Variants in ALK observed in about 807,000 individuals in gnomAD.
ALK encodes ALK tyrosine kinase receptor.
Under a neutral mutation model 163.1 loss-of-function variants are expected in ALK, and 74 were observed. The observed-to-expected ratio is 0.45, with a 90% CI of 0.38 to 0.55. The LOEUF (loss-of-function observed/expected upper bound fraction) is 0.55, where lower values mean the gene tolerates loss of function less well. Ranked by LOEUF, ALK falls within the 20% of genes least tolerant of loss-of-function variation. The pLI is 0.00. For synonymous variants in ALK, 960 were observed against 843.2 expected, an observed-to-expected ratio of 1.14 and a Z score of -2.40; for missense variants, 2,063 against 2,105.3, an observed-to-expected ratio of 0.98 and a Z score of 0.39.
chr2:29,554,483 G>A (rs983944842), intron 3 of ALK, among the ~76,000 whole-genome samples: 1 of 152,198 alleles, frequency 6.6e-6, no homozygotes, highest in Admixed American at 6.5e-5. Context: ...CAAAGGCTTG[G>A]TCTGCACTGA....
intron 1 of ALK, among the ~76,000 whole-genome samples, chr2:29,852,035 T>A (rs1264783476): frequency 6.6e-6 from 1 of 152,226 alleles, no homozygotes; most frequent in Non-Finnish European, 1.5e-5. Flanking sequence ...TCTGGCCATA[T>A]CTGCCTGCAG....
At chr2:29,492,296 T>A (rs115882161) in intron 4 of ALK, among the ~76,000 whole-genome samples, 110 of 152,316 alleles carry the variant, frequency 7.2e-4, no homozygotes, top group African/African-American at 2.6e-3. Flanking sequence ...TCATCAATGT[T>A]ACAAGTGTGT....
In ALK at chr2:29,590,115, A is replaced by G. The variant is rs1046398527; in HGVS notation, c.953-57999T>C. Among the ~76,000 whole-genome samples, 8 of 152,340 alleles carry G rather than the reference A, an allele frequency of 5.3e-5. No homozygotes were observed. In the South Asian group the frequency reaches 1.2e-3, roughly 24 times the overall value. On this transcript the variant is annotated intron_variant, in intron 3 of 28. Transcript: ENST00000389048. ...TCTCCACCAGCCAACACTTGAATAC[A>G]TCTCCAGGGCCATGGGAACGGATAT...
chr2:29,209,379 A>T (rs1439714189), intron 25 of ALK, among the ~76,000 whole-genome samples: 1 of 151,992 alleles, frequency 6.6e-6, no homozygotes, highest in African/African-American at 2.4e-5. Context: ...CGTCTCTACT[A>T]AAAATACAAA....
chr2:29,589,361 A>G (rs1008767678), intron 3 of ALK, among the ~76,000 whole-genome samples: 1 of 152,216 alleles, frequency 6.6e-6, no homozygotes, highest in African/African-American at 2.4e-5. Context: ...GACCCGTGAC[A>G]GGAGAAGTTG....
chr2:29,565,936 A>G (rs1042120256), intron 3 of ALK, among the ~76,000 whole-genome samples: 1 of 152,224 alleles, frequency 6.6e-6, no homozygotes, highest in Non-Finnish European at 1.5e-5. Flanking sequence ...GGGGACTGCT[A>G]TTAGCACTCA....
intron 1 of ALK, among the ~76,000 whole-genome samples, chr2:29,820,405 C>T (rs574929596): frequency 2.0e-5 from 3 of 152,162 alleles, no homozygotes; most frequent in Non-Finnish European, 4.4e-5. Context: ...TGAGCCAGAA[C>T]CATCTAGCTA....
At chr2:29,601,438 CTT>C (rs1020671598) in intron 3 of ALK, among the ~76,000 whole-genome samples, 4 of 152,106 alleles carry the variant, frequency 2.6e-5, no homozygotes, top group African/African-American at 9.6e-5. Context: ...GAATGGAAGA[CTT>C]TGTGAGCTGT....
At chr2:29,430,127 A>T (rs1670238739) in intron 4 of ALK, among the ~76,000 whole-genome samples, 1 of 152,192 alleles carries the variant, frequency 6.6e-6, no homozygotes, top group Admixed American at 6.5e-5. Context: ...AATCTTTATG[A>T]CCTCAAATTT....
intron 5 of ALK, among the ~76,000 whole-genome samples, chr2:29,334,046 C>T (rs1667535421): frequency 6.6e-6 from 1 of 152,144 alleles, no homozygotes. Context: ...TTTGGCTTCC[C>T]CTCTCCTCTG....
chr2:29,279,645 C>G (rs1267460101), intron 9 of ALK, among the ~76,000 whole-genome samples: 2 of 152,152 alleles, frequency 1.3e-5, no homozygotes, highest in African/African-American at 4.8e-5. Context: ...TTCGAAGGTG[C>G]CTGGTTGTGT....
intron 2 of ALK, among the ~76,000 whole-genome samples, chr2:29,704,390 A>G (rs1281884905): frequency 6.6e-6 from 1 of 152,178 alleles, no homozygotes; most frequent in Non-Finnish European, 1.5e-5. Flanking sequence ...GAGGAAGGGA[A>G]AGGCTGGAGA....
At chr2:29,673,658 C>T (rs1452896212) in intron 3 of ALK, among the ~76,000 whole-genome samples, 25 of 150,438 alleles carry the variant, frequency 1.7e-4, no homozygotes, top group Middle Eastern at 3.4e-3. Flanking sequence ...CTTGGAAATG[C>T]GGGCTCTTTT....
At chr2:29,495,598 A>G (rs1306931270) in intron 4 of ALK, among the ~76,000 whole-genome samples, 1 of 152,140 alleles carries the variant, frequency 6.6e-6, no homozygotes, top group African/African-American at 2.4e-5. Flanking sequence ...AAATTATCCA[A>G]TTTGAATGTG....
intron 1 of ALK, among the ~76,000 whole-genome samples, chr2:29,909,979 CAA>C (rs563460919): frequency 1.5e-4 from 12 of 81,692 alleles, no homozygotes; most frequent in Admixed American, 2.7e-4. Context: ...TGCACCACAC[CAA>C]AAAAAAAAAA....
rs775709305 is a variant in ALK, at chr2:29,193,559, A to G, written c.4528T>C (p.Trp1510Arg). ...TSLWNPTYGS[W>R]FTEKPTKKNN... ...TTTTTGGTGGGTTTCTCTGTAAACCAGGAGCCGTACGTTGGGTTCCACAAG... is the reference window on the plus strand; with the variant it reads ...TTTTTGGTGGGTTTCTCTGTAAACCGGGAGCCGTACGTTGGGTTCCACAAG... Residue 1510 changes from tryptophan (W) to arginine (R), a missense_variant, in exon 29 of 29, where the codon TGG becomes CGG. Around this residue, in one of 5 missense-constraint regions of ALK, gnomAD observed 403 missense variants for 366.2 expected, o/e 1.10. Transcript: ENST00000389048. 1 of 1,614,226 alleles carries G rather than the reference A, an allele frequency of 6.2e-7. No homozygotes were observed. The highest frequency in any genetic ancestry group is 1.6e-4 in the Middle Eastern group (1 of 6,062).
At chr2:29,398,315 G>T (rs988049508) in intron 4 of ALK, among the ~76,000 whole-genome samples, 1 of 152,164 alleles carries the variant, frequency 6.6e-6, no homozygotes, top group African/African-American at 2.4e-5. Context: ...GAAAGGACAG[G>T]CTGCTCCCAG....
At chr2:29,805,460 C>T (rs1664583587) in intron 1 of ALK, among the ~76,000 whole-genome samples, 1 of 152,120 alleles carries the variant, frequency 6.6e-6, no homozygotes, top group Non-Finnish European at 1.5e-5. Flanking sequence ...TATTAAGCCC[C>T]ACATGCATTA....
At chr2:29,320,405 T>A (rs920912523) in intron 7 of ALK, among the ~76,000 whole-genome samples, 1 of 152,194 alleles carries the variant, frequency 6.6e-6, no homozygotes, top group Non-Finnish European at 1.5e-5. Context: ...TAAAGAGGGC[T>A]ATGGCTTTCC....
Sources: allele counts gnomAD v4.1 joint callset (sites outside exome capture counted in the v4.1 genomes callset), GRCh38; gene constraint gnomAD v4.1.1; regional missense constraint gnomAD v4.1.1; transcripts MANE v1.5; gene names NCBI Gene and HGNC (gene_info 2026-07-23, HGNC 2026-07-21).